The following PRKN variants were observed in gnomAD, a reference collection of about 807,000 sequenced individuals.
PRKN encodes the protein parkin RBR E3 ubiquitin protein ligase.
Under a neutral mutation model 59.5 loss-of-function variants are expected in PRKN, and 56 were observed. The observed-to-expected ratio is 0.94, with a 90% CI of 0.76 to 1.18. The LOEUF is 1.18. Ranked by LOEUF, PRKN falls within the 50% of genes most tolerant of loss-of-function variation. The pLI, the probability that PRKN is intolerant of heterozygous loss-of-function variation, is 0.00. For synonymous variants in PRKN, 250 were observed against 222.1 expected, an observed-to-expected ratio of 1.13 and a Z score of -1.12; for missense variants, 657 against 596.4, an observed-to-expected ratio of 1.10 and a Z score of -1.06.
chr6:162,134,237 A>G (rs1329866050), intron 4 of PRKN, among the ~76,000 whole-genome samples: 3 of 152,224 alleles, frequency 2.0e-5, no homozygotes, highest in Non-Finnish European at 2.9e-5. Context: ...GCTTGAGTAC[A>G]TATACAATGT....
intron 6 of PRKN, among the ~76,000 whole-genome samples, chr6:161,944,568 C>T (rs1389867513): frequency 6.6e-6 from 1 of 152,144 alleles, no homozygotes; most frequent in Non-Finnish European, 1.5e-5. Context: ...CTGGTATTGT[C>T]CTTTCCCCTA....
At chr6:161,981,015 A>C (rs1299735824) in intron 5 of PRKN, among the ~76,000 whole-genome samples, 1 of 152,230 alleles carries the variant, frequency 6.6e-6, no homozygotes, top group Non-Finnish European at 1.5e-5. Context: ...TATACTCGTC[A>C]AAAGACTATC....
chr6:161,460,080 G>T lies in PRKN; in HGVS notation c.1084-73203C>A, dbSNP rs1325973717. The stretch of plus-strand genomic sequence containing the variant: ...AATGTGTCCCCACAGGGTGAAGCAG[G>T]CATGGTGCAGGAATAGTACGAACAA... On this transcript the variant is annotated intron_variant, in intron 9 of 11. Transcript: ENST00000366898. The surrounding 1 kb of genome is among the most constrained non-coding windows in gnomAD (Gnocchi z 5.0). 6.6e-6 allele frequency among the ~76,000 whole-genome samples: 1 copy of T among 152,152 alleles called. No homozygotes were observed. Among genetic ancestry groups the T allele is most frequent in the African/African-American group, 2.4e-5 (1 of 41,424 alleles).
intron 7 of PRKN, among the ~76,000 whole-genome samples, chr6:161,659,428 G>A (rs1028915801): frequency 1.3e-5 from 2 of 152,192 alleles, no homozygotes; most frequent in Non-Finnish European, 2.9e-5. Flanking sequence ...TGATGGTACA[G>A]TGGTTGAGAC....
At chr6:162,272,656 TTGCAAAACAACATC>T in intron 2 of PRKN, among the ~76,000 whole-genome samples, 1 of 152,168 alleles carries the variant, frequency 6.6e-6, no homozygotes, top group African/African-American at 2.4e-5. Flanking sequence ...ACCTCCGCGA[TTGCAAAACAACATC>T]TGCGCAAGGT....
intron 2 of PRKN, among the ~76,000 whole-genome samples, chr6:162,284,114 T>G (rs1444863502): frequency 6.6e-6 from 1 of 151,996 alleles, no homozygotes. Flanking sequence ...AGCTACTTCT[T>G]GGCTCTTGGG....
intron 3 of PRKN, among the ~76,000 whole-genome samples, chr6:162,205,007 C>T (rs370363889): frequency 3.3e-5 from 5 of 152,062 alleles, no homozygotes; most frequent in African/African-American, 9.6e-5. Context: ...GAACTACAGG[C>T]GTGCACCACC....
In PRKN at chr6:161,371,721, C is replaced by T. The variant is rs1350884161; in HGVS notation, c.1168-11516G>A. ...TGACACAATCTCGGCTCACTACAAC[C>T]TCCACCTCCTGGGTTCAAGCGATTC... On this transcript the variant is annotated intron_variant, in intron 10 of 11. Coordinates refer to ENST00000366898, the MANE Select transcript of PRKN (RefSeq NM_004562.3). This position sits in a 1 kb window ranked among gnomAD's most constrained non-coding sequence, Gnocchi z 5.5. Among the ~76,000 whole-genome samples, 1 of 152,200 alleles carries T rather than the reference C, an allele frequency of 6.6e-6. No homozygotes were observed. Among genetic ancestry groups the T allele is most frequent in the Non-Finnish European group, 1.5e-5 (1 of 68,036 alleles).
intron 2 of PRKN, among the ~76,000 whole-genome samples, chr6:162,406,800 C>T (rs1237457858): frequency 6.6e-6 from 1 of 152,168 alleles, no homozygotes; most frequent in Admixed American, 6.5e-5. Context: ...ATGGCTGCCA[C>T]CACTTCCTGA....
At chr6:162,149,533 C>T (rs1389791447) in intron 4 of PRKN, among the ~76,000 whole-genome samples, 1 of 152,124 alleles carries the variant, frequency 6.6e-6, no homozygotes, top group Non-Finnish European at 1.5e-5. Flanking sequence ...CACGAACCAC[C>T]ATGCCCAGCC....
Position 161,589,452 on chromosome 6 carries a change from T to C in PRKN, c.872-20036A>G, listed in dbSNP as rs113343765. Among the ~76,000 whole-genome samples the C allele has an allele frequency of 1.4e-3, 209 of 152,230 alleles. 2 individuals carry two copies. The highest frequency in any genetic ancestry group is 4.8e-3 in the African/African-American group (201 of 41,522). On this transcript the variant is annotated intron_variant, in intron 7 of 11. Transcript: ENST00000366898. ...AATGAGGAGTATCTGTATTCGATGG[T>C]AGAAGTTTGAAAGGAAATACAGATT...
chr6:162,386,392 G>T (rs1183587642), intron 2 of PRKN, among the ~76,000 whole-genome samples: 1 of 152,160 alleles, frequency 6.6e-6, no homozygotes, highest in Non-Finnish European at 1.5e-5. Context: ...TATAGTTTAT[G>T]TGAAACTATA....
At chr6:161,974,232 A>G (rs1306803708) in intron 5 of PRKN, among the ~76,000 whole-genome samples, 1 of 152,128 alleles carries the variant, frequency 6.6e-6, no homozygotes, top group Admixed American at 6.5e-5. Flanking sequence ...ATGAGCTGAG[A>G]TCACCCCACT....
chr6:161,388,165 C>T lies in PRKN; in HGVS notation c.1084-1288G>A, dbSNP rs1028028159. 1.3e-5 allele frequency among the ~76,000 whole-genome samples: 2 copies of T among 152,166 alleles called. No individual in the cohort carries two copies. The highest frequency in any genetic ancestry group is 2.9e-5 in the Non-Finnish European group (2 of 68,038). ...CTGGAGTCATCATCCCATCCCCTGC[C>T]ACCTGAAACACCTTGGGAAAGCCAC... On this transcript the variant is annotated intron_variant, in intron 9 of 11. Transcript: ENST00000366898. The surrounding 1 kb of genome is among the most constrained non-coding windows in gnomAD (Gnocchi z 4.3).
chr6:162,426,603 T>G (rs1238488188), intron 2 of PRKN, among the ~76,000 whole-genome samples: 1 of 152,116 alleles, frequency 6.6e-6, no homozygotes, highest in African/African-American at 2.4e-5. Flanking sequence ...TGCACCAGCT[T>G]GCCTGGCTAA....
In PRKN at chr6:161,402,578, A is replaced by T. The variant is rs1470168314; in HGVS notation, c.1084-15701T>A. On this transcript the variant is annotated intron_variant, in intron 9 of 11. Transcript: ENST00000366898. The surrounding 1 kb of genome is among the most constrained non-coding windows in gnomAD (Gnocchi z 4.5). ...CCCTCCCAGGTTCTTTGGCTGGGCT[A>T]TTGATTAAAATGGCATATAAACAGA... Among the ~76,000 whole-genome samples, 1 of 152,092 alleles carries T rather than the reference A, an allele frequency of 6.6e-6. No homozygotes were observed. Among genetic ancestry groups the T allele is most frequent in the East Asian group, 1.9e-4 (1 of 5,174 alleles).
intron 6 of PRKN, among the ~76,000 whole-genome samples, chr6:161,861,672 C>T (rs1417828290): frequency 6.6e-6 from 1 of 150,942 alleles, no homozygotes; most frequent in Non-Finnish European, 1.5e-5. Context: ...TCTTCTCCCT[C>T]ATATGCAGAT....
chr6:162,609,239 T>C (rs553928197), intron 1 of PRKN, among the ~76,000 whole-genome samples: 1 of 152,344 alleles, frequency 6.6e-6, no homozygotes, highest in East Asian at 1.9e-4. Flanking sequence ...AGCTCAAGTC[T>C]TTTGGTACCC....
intron 1 of PRKN, among the ~76,000 whole-genome samples, chr6:162,444,520 C>A (rs936283555): frequency 5.3e-5 from 8 of 151,942 alleles, no homozygotes; most frequent in Non-Finnish European, 1.0e-4. Context: ...AACTGCTGCA[C>A]ACAACTTCTT....
Sources: gnomAD v4.1 joint callset for allele counts (sites outside exome capture counted in the v4.1 genomes callset) on GRCh38, gnomAD v4.1.1 for gene constraint, Gnocchi (gnomAD v3.1) non-coding constraint, MANE v1.5 for transcripts, NCBI Gene and HGNC (gene_info 2026-07-23, HGNC 2026-07-21) for gene names.